MAX: variants seen among roughly 807,000 people sequenced by gnomAD.
The protein encoded by MAX is MYC associated transcriptional regulator X, also known as protein max.
In MAX, 3 loss-of-function variants were observed where a neutral mutation model predicts 22.3. The ratio of observed to expected loss-of-function variants is 0.13; its 90% confidence interval spans 0.06 to 0.35. MAX has a LOEUF of 0.35. Among genes scored for constraint, MAX ranks in the 10% least tolerant of loss-of-function variants. The pLI is 1.00. For synonymous variants in MAX, 72 were observed against 77.7 expected, an observed-to-expected ratio of 0.93 and a Z score of 0.39; for missense variants, 119 against 209.4, an observed-to-expected ratio of 0.57 and a Z score of 2.66.
chr14:65,102,280 G>A (rs781616590), intron 1 of MAX, 24 bp downstream of exon 1: 8 of 1,613,542 alleles, frequency 5.0e-6, no homozygotes, highest in Admixed American at 1.7e-5. Context: ...ACCCGCACGG[G>A]AAGGAAGAAG....
intron 3 of MAX, chr14:65,061,923 C>G (rs2062872398): frequency 6.5e-6 from 1 of 153,778 alleles, no homozygotes. Flanking sequence ...GAGAACTGAG[C>G]CTTGCATCTC....
In MAX at chr14:65,082,081, TA is replaced by T. The variant is rs2063212727; in HGVS notation, c.172-4046del. 6.6e-6 allele frequency: 1 copy of T among 152,238 alleles called. No individual in the cohort carries two copies. The highest frequency in any genetic ancestry group is 2.4e-5 in the African/African-American group (1 of 41,452). The allele number at this position is 152,238 out of a possible 1,614,324, so 9.4% of individuals were successfully genotyped here. A position where few individuals can be genotyped will look rare whatever the true frequency, so the allele number is the denominator to read the frequency against. On this transcript the variant is annotated intron_variant, in intron 3 of 4. Transcript: ENST00000358664. This position sits in a 1 kb window ranked among gnomAD's most constrained non-coding sequence, Gnocchi z 4.8. ...TCACACAACCTTCTGATGTTTTCCC[TA>T]TTTTATAAATGAGGAAACCGAGACA...
intron 3 of MAX, among the ~76,000 whole-genome samples, chr14:65,050,705 T>C (rs758419203): frequency 3.9e-5 from 6 of 152,256 alleles, no homozygotes; most frequent in South Asian, 2.1e-4. Flanking sequence ...ATATTTATTT[T>C]TGACAGCTCC....
At position 65,075,974 on chromosome 14, in the gene MAX, C is replaced by A; in HGVS notation, c.*502G>T. On this transcript the variant is annotated 3_prime_UTR_variant, in exon 5 of 5. Transcript: ENST00000358664. The surrounding 1 kb of genome is among the most constrained non-coding windows in gnomAD (Gnocchi z 4.1). Reference sequence around the variant, plus strand: ...TTTTAGAAAAAGGAAAAAAAAAAAACCCTTAAAAAGGAGGAGGGTTCATTC... The same window carrying A: ...TTTTAGAAAAAGGAAAAAAAAAAAAACCTTAAAAAGGAGGAGGGTTCATTC... 4.7e-6 allele frequency: 5 copies of A among 1,060,370 alleles called. No individual in the cohort carries two copies. Among genetic ancestry groups the A allele is most frequent in the South Asian group, 4.4e-5 (1 of 22,596 alleles). The allele number at this position is 1,060,370 out of a possible 1,614,324, so 65.7% of individuals were successfully genotyped here. A position where few individuals can be genotyped will look rare whatever the true frequency, so the allele number is the denominator to read the frequency against.
At chr14:65,099,528 C>CA (rs1156423749) in intron 2 of MAX, among the ~76,000 whole-genome samples, 2 of 107,096 alleles carry the variant, frequency 1.9e-5, no homozygotes, top group East Asian at 4.8e-4. Flanking sequence ...GCCAAAATTT[C>CA]ACCAAAAAAA....
Position 65,078,157 on chromosome 14 carries a change from C to A in MAX, c.172-121G>T. The A allele has an allele frequency of 9.9e-7, 1 of 1,012,982 alleles. No homozygotes were observed. The highest frequency in any genetic ancestry group is 2.4e-5 in the East Asian group (1 of 40,872). The allele number at this position is 1,012,982 out of a possible 1,614,324, so 62.7% of individuals were successfully genotyped here. A position where few individuals can be genotyped will look rare whatever the true frequency, so the allele number is the denominator to read the frequency against. ...AACGAGAGGGTAAGGTGGGAAAAGG[C>A]TGAAGAAATACAATAATGGCTACTG... On this transcript the variant is annotated intron_variant, in intron 3 of 4. Coordinates refer to ENST00000358664, the MANE Select transcript of MAX (RefSeq NM_002382.5). This position sits in a 1 kb window ranked among gnomAD's most constrained non-coding sequence, Gnocchi z 6.4.
Position 65,078,064 on chromosome 14 carries a change from G to A in MAX, c.172-28C>T, listed in dbSNP as rs377180587. ...GTGGCAATATGAGAAAAAGCACAGG[G>A]GACAAAATAAAAACCCAATCCAGGC... On this transcript the variant is annotated intron_variant, in intron 3 of 4. Coordinates refer to ENST00000358664, the MANE Select transcript of MAX (RefSeq NM_002382.5). This position sits in a 1 kb window ranked among gnomAD's most constrained non-coding sequence, Gnocchi z 6.4. 3 of 1,613,982 alleles carry A rather than the reference G, an allele frequency of 1.9e-6. No homozygotes were observed. Among genetic ancestry groups the A allele is most frequent in the Non-Finnish European group, 2.5e-6 (3 of 1,180,024 alleles).
At chr14:65,058,583 T>G (rs921801231) in intron 3 of MAX, among the ~76,000 whole-genome samples, 6 of 152,256 alleles carry the variant, frequency 3.9e-5, no homozygotes, top group Non-Finnish European at 7.3e-5. Context: ...AGCATGATGT[T>G]TACTGTAAGG....
intron 3 of MAX, chr14:65,006,382 A>G (rs756788763): frequency 1.2e-5 from 18 of 1,525,520 alleles, no homozygotes; most frequent in African/African-American, 2.8e-5. Flanking sequence ...TCTGACCTCA[A>G]TAAAATGAAT....
intron 3 of MAX, among the ~76,000 whole-genome samples, chr14:65,026,867 A>T (rs2061991724): frequency 6.6e-6 from 1 of 152,100 alleles, no homozygotes. Flanking sequence ...GCCTCAAAAA[A>T]AAAAACAAAA....
intron 3 of MAX, among the ~76,000 whole-genome samples, chr14:65,039,862 A>G (rs1193730157): frequency 6.6e-6 from 1 of 152,220 alleles, no homozygotes; most frequent in Non-Finnish European, 1.5e-5. Context: ...AGAAAAACAA[A>G]AAGGAAAAAT....
intron 1 of MAX, among the ~76,000 whole-genome samples, chr14:65,101,875 C>G (rs1278104597): frequency 6.6e-6 from 1 of 152,224 alleles, no homozygotes; most frequent in Non-Finnish European, 1.5e-5. Flanking sequence ...CAACCCCTCT[C>G]CGCCCTTCCC....
chr14:65,052,258 A>G (rs2062633350), intron 3 of MAX, among the ~76,000 whole-genome samples: 2 of 152,224 alleles, frequency 1.3e-5, no homozygotes, highest in Non-Finnish European at 2.9e-5. Context: ...CTATAGTGGT[A>G]TAAGTGAAAA....
intron 3 of MAX, among the ~76,000 whole-genome samples, chr14:65,053,520 C>T (rs2062658375): frequency 6.6e-6 from 1 of 152,020 alleles, no homozygotes; most frequent in African/African-American, 2.4e-5. Context: ...CCCTTGAGGC[C>T]ATTGATCTTG....
In MAX at chr14:65,060,540, C is replaced by T. The variant is rs1258040523; in HGVS notation, c.171+33168G>A. ...TGAAACCCCGTCTCTACTAAAAATA[C>T]AAAAAATTAGCCGGGCGTAGTGGCG... On this transcript the variant is annotated intron_variant, in intron 3 of 3. Transcript: ENST00000341653. 2.4e-5 allele frequency among the ~76,000 whole-genome samples: 3 copies of T among 127,198 alleles called. 1 individual carries two copies. 83.4% of individuals were successfully genotyped at this position (127,198 alleles called of 152,430 possible). A position where few individuals can be genotyped will look rare whatever the true frequency, so the allele number is the denominator to read the frequency against.
At position 65,069,063 on chromosome 14, in the gene MAX, T is replaced by C. The variant is rs570261952; in HGVS notation, c.171+24645A>G. 3.9e-5 allele frequency among the ~76,000 whole-genome samples: 6 copies of C among 152,294 alleles called. No individual in the cohort carries two copies. In the South Asian group the frequency reaches 1.2e-3, roughly 32 times the overall value. ...CAGGTAAGGCAGATGCCGATGGTGA[T>C]GACGTAAGTGCTAGGTGTCCATGCT... On this transcript the variant is annotated intron_variant, in intron 3 of 3. Transcript: ENST00000341653. The surrounding 1 kb of genome is among the most constrained non-coding windows in gnomAD (Gnocchi z 4.6).
intron 3 of MAX, among the ~76,000 whole-genome samples, chr14:65,066,815 T>C (rs951912392): frequency 6.8e-6 from 1 of 147,728 alleles, no homozygotes; most frequent in East Asian, 2.0e-4. Flanking sequence ...TGAGCTGAGA[T>C]TGCACCCTTG....
Position 65,054,653 on chromosome 14 carries a change from G to A in MAX, c.171+39055C>T, listed in dbSNP as rs568175636. On this transcript the variant is annotated intron_variant, in intron 3 of 3. Coordinates refer to the MAX transcript ENST00000341653. The surrounding 1 kb of genome is among the most constrained non-coding windows in gnomAD (Gnocchi z 4.4). ...AGCACTTCGGCAGCGGAGCCATGTT[G>A]CATGATGTGGTCCTGGGTGTGCCCG... 22 of 1,613,388 alleles carry A rather than the reference G, an allele frequency of 1.4e-5. No homozygotes were observed. The highest frequency in any genetic ancestry group is 1.6e-4 in the Middle Eastern group (1 of 6,062).
Position 65,027,393 on chromosome 14 carries a change from T to A in MAX, c.172-21109A>T. 1.9e-6 allele frequency: 3 copies of A among 1,596,768 alleles called. No homozygotes were observed. The highest frequency in any genetic ancestry group is 1.7e-5 in the Admixed American group (1 of 58,538). ...GGAAAGGCCTGGAATCTAGTGGGAA[T>A]TTGGTGTTTTGACATGAATGCTCTC... On this transcript the variant is annotated intron_variant, in intron 3 of 3. Coordinates refer to the MAX transcript ENST00000341653. This position sits in a 1 kb window ranked among gnomAD's most constrained non-coding sequence, Gnocchi z 5.7.
Sources: allele counts gnomAD v4.1 joint callset (sites outside exome capture counted in the v4.1 genomes callset), GRCh38; gene constraint gnomAD v4.1.1; non-coding constraint Gnocchi (gnomAD v3.1); transcripts MANE v1.5; gene names NCBI Gene and HGNC (gene_info 2026-07-23, HGNC 2026-07-21).